The following HTR2B variants were observed in gnomAD, a reference collection of about 807,000 sequenced individuals.
The protein encoded by HTR2B is 5-hydroxytryptamine receptor 2B.
HTR2B carries 31 observed loss-of-function variants against 39.8 expected under a neutral mutation model. The ratio of observed to expected loss-of-function variants is 0.78; its 90% CI spans 0.58 to 1.05. HTR2B has a LOEUF of 1.05. HTR2B is among the 50% of genes least tolerant of loss of function. The pLI, the probability that HTR2B is intolerant of heterozygous loss-of-function variation, is 0.00. For synonymous variants in HTR2B, 210 were observed against 207.1 expected, an observed-to-expected ratio of 1.01 and a Z score of -0.12; for missense variants, 562 against 578.0, an observed-to-expected ratio of 0.97 and a Z score of 0.28.
rs1559233916 is a variant in HTR2B at position 231,109,292 on chromosome 2, G to A, written c.671C>T (p.Ala224Val). 6.2e-7 allele frequency: 1 copy of A among 1,614,146 alleles called. No individual in the cohort carries two copies. ...AATTGCAAGAGGTGTGAAGAAGGCA[G>A]CCAGTGAGCCAAAGAGCATGAAATC... ...FGDFMLFGSL[A>V]AFFTPLAIMI... The change falls in exon 4 of 4, where the codon GCT (alanine) becomes GTT (valine). Residue 224 changes from alanine (A) to valine (V), a missense_variant. By Grantham distance (64) the Ala-to-Val change is moderately conservative. Transcript: ENST00000258400.
chr2:231,115,393 T>C (rs1695295538), intron 2 of HTR2B, among the ~76,000 whole-genome samples: 1 of 152,164 alleles, frequency 6.6e-6, no homozygotes, highest in Admixed American at 6.6e-5. Context: ...TATGTGGCAT[T>C]CTGAATAAGA....
intron 2 of HTR2B, among the ~76,000 whole-genome samples, chr2:231,114,788 CA>C (rs1353137211): frequency 6.6e-6 from 1 of 152,114 alleles, no homozygotes; most frequent in Non-Finnish European, 1.5e-5. Flanking sequence ...AATTTACTTA[CA>C]CAGATGTTCA....
At chr2:231,120,910 G>T (rs926425796) in intron 2 of HTR2B, among the ~76,000 whole-genome samples, 2 of 152,146 alleles carry the variant, frequency 1.3e-5, no homozygotes, top group African/African-American at 4.8e-5. Flanking sequence ...TCTTATAAAT[G>T]CATTAGTTTA....
Position 231,124,032 on chromosome 2 carries a change from G to GA in HTR2B, c.-269dup, listed in dbSNP as rs887303142. 17 of 411,948 alleles carry GA rather than the reference G, an allele frequency of 4.1e-5. No individual in the cohort carries two copies. The highest frequency in any genetic ancestry group is 5.8e-5 in the Non-Finnish European group (13 of 222,790). 25.5% of individuals were successfully genotyped at this position (411,948 alleles called of 1,614,324 possible). A position where few individuals can be genotyped will look rare whatever the true frequency, so the allele number is the denominator to read the frequency against. ...CTCAGTGAAAGAAACTGATAGCTGT[G>GA]AAAAAAATAGGATATATATATATTT... On this transcript the variant is annotated 5_prime_UTR_variant, in exon 2 of 4. The change abolishes the stop of an existing upstream ORF in the 5' untranslated region. Transcript: ENST00000258400.
chr2:231,121,647 G>GT (rs1314893206), intron 2 of HTR2B, among the ~76,000 whole-genome samples: 1 of 151,974 alleles, frequency 6.6e-6, no homozygotes, highest in African/African-American at 2.4e-5. Context: ...TTTGTATTTT[G>GT]TTTGTTAGCT....
At chr2:231,123,251 A>G (rs1322996463) in intron 2 of HTR2B, among the ~76,000 whole-genome samples, 162 bp downstream of exon 2, 1 of 152,200 alleles carries the variant, frequency 6.6e-6, no homozygotes, top group East Asian at 1.9e-4. Context: ...CTGATCAACC[A>G]TAGAGAATGA....
intron 2 of HTR2B, among the ~76,000 whole-genome samples, chr2:231,123,184 A>G (rs1024943590): frequency 6.6e-6 from 1 of 152,164 alleles, no homozygotes; most frequent in Non-Finnish European, 1.5e-5. Context: ...ATTTTATTAG[A>G]TAGCTTAGGA....
rs79931794 is a variant in HTR2B, at chr2:231,117,062, A to G, written c.353-3133T>C. Among the ~76,000 whole-genome samples the G allele has an allele frequency of 8.8e-4, 134 of 152,192 alleles. 4 individuals are homozygous for G. In the East Asian group the frequency reaches 0.015, roughly 17 times the overall value. On this transcript the variant is annotated intron_variant, in intron 2 of 3. Coordinates refer to ENST00000258400, the MANE Select transcript of HTR2B (RefSeq NM_000867.5). The stretch of plus-strand genomic sequence containing the variant: ...CAGTTCTAGACACACTTGTTTTATA[A>G]AGGGGCTTTTCCTAGTCTAGAGACT...
At chr2:231,115,145 A>C (rs545939994) in intron 2 of HTR2B, among the ~76,000 whole-genome samples, 1 of 152,270 alleles carries the variant, frequency 6.6e-6, no homozygotes, top group African/African-American at 2.4e-5. Flanking sequence ...TTAACTGTTT[A>C]AAATTTAAGG....
At chr2:231,116,320 A>G (rs1003239418) in intron 2 of HTR2B, among the ~76,000 whole-genome samples, 2 of 152,096 alleles carry the variant, frequency 1.3e-5, no homozygotes, top group African/African-American at 4.8e-5. Context: ...GTAGGAAAAT[A>G]CTCGTCTAGA....
At chr2:231,114,906 C>T (rs1202381868) in intron 2 of HTR2B, among the ~76,000 whole-genome samples, 1 of 152,030 alleles carries the variant, frequency 6.6e-6, no homozygotes, top group Non-Finnish European at 1.5e-5. Flanking sequence ...AGAATATTTC[C>T]ATTAGAATCC....
chr2:231,111,117 C>A (rs1695143104), intron 3 of HTR2B, among the ~76,000 whole-genome samples: 2 of 152,182 alleles, frequency 1.3e-5, no homozygotes, highest in Admixed American at 1.3e-4. Context: ...TCCACTGTTC[C>A]AGTGCCAGCA....
chr2:231,118,594 T>C (rs1695425992), intron 2 of HTR2B, among the ~76,000 whole-genome samples: 1 of 152,210 alleles, frequency 6.6e-6, no homozygotes, highest in South Asian at 2.1e-4. Flanking sequence ...TTTTTGTTTG[T>C]TTTTGCTTTC....
At chr2:231,114,383 C>T (rs1234611642) in intron 2 of HTR2B, among the ~76,000 whole-genome samples, 2 of 152,178 alleles carry the variant, frequency 1.3e-5, no homozygotes, top group Non-Finnish European at 2.9e-5. Context: ...GTCTCTGTGA[C>T]ACCTGGGTTT....
At chr2:231,123,122 A>G (rs567057814) in intron 2 of HTR2B, among the ~76,000 whole-genome samples, 8 of 152,272 alleles carry the variant, frequency 5.3e-5, no homozygotes, top group African/African-American at 1.9e-4. Context: ...TAATTTATAG[A>G]TAATATATTC....
chr2:231,111,511 T>C (rs1695154231), intron 3 of HTR2B, among the ~76,000 whole-genome samples: 1 of 152,236 alleles, frequency 6.6e-6, no homozygotes, highest in African/African-American at 2.4e-5. Flanking sequence ...TACCCTGTTA[T>C]ATTATTATAC....
chr2:231,115,443 C>T (rs1027990852), intron 2 of HTR2B, among the ~76,000 whole-genome samples: 36 of 152,054 alleles, frequency 2.4e-4, no homozygotes, highest in Non-Finnish European at 5.3e-4. Context: ...ATAACAAAAT[C>T]AGCACAAACT....
Position 231,108,587 on chromosome 2 carries a change from ATGAT to A in HTR2B, c.1372_1375del (p.Ile458PhefsTer3), listed in dbSNP as rs1695035968. 6.2e-7 allele frequency: 1 copy of A among 1,613,826 alleles called. No homozygotes were observed. Among genetic ancestry groups the A allele is most frequent in the Non-Finnish European group, 8.5e-7 (1 of 1,179,920 alleles). On this transcript the variant is annotated frameshift_variant, in exon 4 of 4. Coordinates refer to ENST00000258400, the MANE Select transcript of HTR2B (RefSeq NM_000867.5). LOFTEE classifies it high-confidence loss of function. ...AGTGAGGAGAAGCGTATCTAGTAGA[ATGAT>A]TGATGAAGACTGAATGGTTGAACTT...
chr2:231,112,866 T>G (rs1481670781), intron 3 of HTR2B, among the ~76,000 whole-genome samples: 1 of 152,158 alleles, frequency 6.6e-6, no homozygotes, highest in East Asian at 1.9e-4. Context: ...AAACTTTGAA[T>G]TAAACATACT....
Sources: gnomAD v4.1 joint callset for allele counts (sites outside exome capture counted in the v4.1 genomes callset) on GRCh38, gnomAD v4.1.1 for gene constraint, MANE v1.5 for transcripts, NCBI Gene and HGNC (gene_info 2026-07-23, HGNC 2026-07-21) for gene names.